GPC5: variants seen among roughly 807,000 people sequenced by gnomAD.
The protein encoded by GPC5 is glypican 5.
Under a neutral mutation model 53.9 loss-of-function variants are expected in GPC5, and 47 were observed. The ratio of observed to expected loss-of-function variants is 0.87; its 90% CI spans 0.69 to 1.11. GPC5 has a LOEUF of 1.11. Ranked by LOEUF, GPC5 falls within the 50% of genes most tolerant of loss-of-function variation. The pLI is 0.00. For synonymous variants in GPC5, 286 were observed against 263.3 expected (o/e 1.09, Z -0.84); for missense variants, 748 against 713.1 (o/e 1.05, Z -0.56).
intron 6 of GPC5, among the ~76,000 whole-genome samples, chr13:92,128,747 A>G (rs1232615987): frequency 2.0e-5 from 3 of 152,098 alleles, no homozygotes; most frequent in Non-Finnish European, 4.4e-5. Flanking sequence ...GCTGGATCAC[A>G]AGGTCAGGAG....
At chr13:91,436,593 T>A (rs1245108145) in intron 1 of GPC5, among the ~76,000 whole-genome samples, 8 of 152,190 alleles carry the variant, frequency 5.3e-5, no homozygotes, top group East Asian at 1.9e-4. Context: ...TGCTGAGGAG[T>A]GCTTTACTTC....
chr13:91,892,329 T>A (rs2039395492), intron 5 of GPC5, among the ~76,000 whole-genome samples: 1 of 151,886 alleles, frequency 6.6e-6, no homozygotes, highest in African/African-American at 2.4e-5. Context: ...TTCTTCACAT[T>A]TTTCTCTCCT....
intron 7 of GPC5, among the ~76,000 whole-genome samples, chr13:92,789,993 T>C (rs1876405439): frequency 6.6e-6 from 1 of 152,034 alleles, no homozygotes; most frequent in African/African-American, 2.4e-5. Flanking sequence ...ACTGAAGAAC[T>C]TGGAATCTGA....
chr13:92,637,325 G>C (rs1436022240), intron 7 of GPC5, among the ~76,000 whole-genome samples: 1 of 152,146 alleles, frequency 6.6e-6, no homozygotes, highest in Admixed American at 6.6e-5. Context: ...TCCACAGAGA[G>C]AGCTTCAGAG....
chr13:92,068,371 T>A (rs2041183495), intron 6 of GPC5, among the ~76,000 whole-genome samples: 1 of 151,862 alleles, frequency 6.6e-6, no homozygotes, highest in Non-Finnish European at 1.5e-5. Context: ...GTGCTCATAT[T>A]GTAACCGGTG....
intron 7 of GPC5, among the ~76,000 whole-genome samples, chr13:92,285,082 T>C (rs1387670068): frequency 6.6e-6 from 1 of 152,142 alleles, no homozygotes; most frequent in Non-Finnish European, 1.5e-5. Flanking sequence ...ATCACAAGCA[T>C]TCTTATACAC....
intron 7 of GPC5, among the ~76,000 whole-genome samples, chr13:92,749,919 G>A (rs1053597443): frequency 5.9e-5 from 9 of 152,150 alleles, no homozygotes; most frequent in African/African-American, 1.2e-4. Flanking sequence ...AAATCAATGG[G>A]AATGTTATAG....
intron 6 of GPC5, among the ~76,000 whole-genome samples, chr13:92,026,876 ATT>A (rs2040805339): frequency 6.6e-6 from 1 of 152,162 alleles, no homozygotes; most frequent in Non-Finnish European, 1.5e-5. Context: ...GAGTCTAAAA[ATT>A]TCAGATGGCT....
At chr13:91,826,754 T>C (rs1310394192) in intron 5 of GPC5, among the ~76,000 whole-genome samples, 2 of 152,088 alleles carry the variant, frequency 1.3e-5, no homozygotes, top group Non-Finnish European at 2.9e-5. Flanking sequence ...GCCAAAGCAA[T>C]TCAATTGGTA....
At chr13:91,636,656 A>G (rs1213305136) in intron 2 of GPC5, among the ~76,000 whole-genome samples, 1 of 152,104 alleles carries the variant, frequency 6.6e-6, no homozygotes, top group Non-Finnish European at 1.5e-5. Flanking sequence ...TCTGACTGAA[A>G]AGATTTCTGC....
At chr13:92,200,316 A>G (rs2139059360) in intron 7 of GPC5, among the ~76,000 whole-genome samples, 1 of 152,318 alleles carries the variant, frequency 6.6e-6, no homozygotes, top group Non-Finnish European at 1.5e-5. Context: ...ACTAAGTGAC[A>G]TTTGCTGTCA....
chr13:91,437,800 C>T (rs550605924), intron 1 of GPC5, among the ~76,000 whole-genome samples: 25 of 152,350 alleles, frequency 1.6e-4, no homozygotes, highest in African/African-American at 5.8e-4. Flanking sequence ...GTACACCAAT[C>T]AGACATAGAT....
chr13:91,726,986 A>G (rs908699517), intron 3 of GPC5, among the ~76,000 whole-genome samples: 15 of 152,110 alleles, frequency 9.9e-5, no homozygotes, highest in African/African-American at 2.4e-4. Flanking sequence ...TTCTTGCTAC[A>G]CCCATTTCTC....
intron 7 of GPC5, chr13:92,701,622 A>G (rs951326153): frequency 1.2e-4 from 19 of 152,174 alleles, no homozygotes; most frequent in Non-Finnish European, 2.1e-4. Flanking sequence ...GCTATTAAGT[A>G]TCACAGATTT....
At chr13:91,911,054 G>A (rs1400978943) in intron 6 of GPC5, among the ~76,000 whole-genome samples, 2 of 152,052 alleles carry the variant, frequency 1.3e-5, no homozygotes, top group Non-Finnish European at 2.9e-5. Flanking sequence ...CTGTGTCTGG[G>A]GCAGAAGGAA....
intron 2 of GPC5, among the ~76,000 whole-genome samples, chr13:91,571,839 T>TGTG (rs1555325833): frequency 0.013 from 1,219 of 91,024 alleles, 140 homozygotes; most frequent in African/African-American, 0.029. Flanking sequence ...ACACATATAC[T>TGTG]TGTGTGTATA....
chr13:92,672,487 A>C (rs549205561), intron 7 of GPC5, among the ~76,000 whole-genome samples: 9 of 152,272 alleles, frequency 5.9e-5, no homozygotes, highest in African/African-American at 1.9e-4. Context: ...ATTCCTCAAA[A>C]ACCTAGAGAC....
intron 7 of GPC5, among the ~76,000 whole-genome samples, chr13:92,455,247 C>T (rs1435538782): frequency 6.6e-6 from 1 of 152,066 alleles, no homozygotes; most frequent in Non-Finnish European, 1.5e-5. Flanking sequence ...ATAGTATATG[C>T]TATGACCATT....
chr13:92,135,500 A>G (rs924552636), intron 6 of GPC5, among the ~76,000 whole-genome samples: 3 of 152,134 alleles, frequency 2.0e-5, no homozygotes, highest in African/African-American at 7.2e-5. Context: ...TTTTGGTATG[A>G]GGGCTTAGAA....
Sources: gnomAD v4.1 joint callset for allele counts (sites outside exome capture counted in the v4.1 genomes callset) on GRCh38, gnomAD v4.1.1 for gene constraint, MANE v1.5 for transcripts, NCBI Gene and HGNC (gene_info 2026-07-23, HGNC 2026-07-21) for gene names.